Variants in CCDC68 observed in about 807,000 individuals in gnomAD.
The protein encoded by CCDC68 is coiled-coil domain containing 68.
CCDC68 carries 45 observed loss-of-function variants against 47.1 expected under a neutral mutation model. That is an observed-to-expected ratio of 0.96 (90% CI 0.75 to 1.23). CCDC68 has a LOEUF of 1.23. CCDC68 is among the 50% of genes most tolerant of loss of function. CCDC68 has a pLI of 0.00. For synonymous variants in CCDC68, 131 were observed against 129.5 expected, an observed-to-expected ratio of 1.01 and a Z score of -0.08; for missense variants, 353 against 373.6, an observed-to-expected ratio of 0.94 and a Z score of 0.45.
At chr18:54,926,635 G>A (rs2044149938) in intron 8 of CCDC68, among the ~76,000 whole-genome samples, 1 of 152,180 alleles carries the variant, frequency 6.6e-6, no homozygotes, top group African/African-American at 2.4e-5. Context: ...AGGGCAGATG[G>A]AAAAGTTGGA....
In CCDC68 at chr18:54,910,701, C is replaced by G. The variant is rs527530007; in HGVS notation, c.874-2839G>C. Among the ~76,000 whole-genome samples, 211 of 152,330 alleles carry G rather than the reference C, an allele frequency of 1.4e-3. 1 individual carries two copies. Among genetic ancestry groups the G allele is most frequent in the African/African-American group, 4.7e-3 (194 of 41,582 alleles). ...CAGCACCAAGCTGCCCTCAGCACCC[C>G]CTTGGCTTCCCTCTCATGCTCAGTG... On this transcript the variant is annotated intron_variant, in intron 10 of 11. Coordinates refer to ENST00000591504, the MANE Select transcript of CCDC68 (RefSeq NM_025214.3).
chr18:54,930,421 A>G (rs2044221691), intron 7 of CCDC68, among the ~76,000 whole-genome samples: 1 of 152,336 alleles, frequency 6.6e-6, no homozygotes, highest in Non-Finnish European at 1.5e-5. Flanking sequence ...TTGGACCTCA[A>G]TATATAATAA....
chr18:54,923,746 C>T (rs561582544), intron 8 of CCDC68, among the ~76,000 whole-genome samples: 1 of 151,446 alleles, frequency 6.6e-6, no homozygotes, highest in East Asian at 1.9e-4. Context: ...AAGTCTCACT[C>T]TGTCACCCAG....
intron 6 of CCDC68, among the ~76,000 whole-genome samples, chr18:54,936,161 T>A (rs2044339490): frequency 6.9e-6 from 1 of 145,574 alleles, no homozygotes; most frequent in Non-Finnish European, 1.5e-5. Context: ...TTATTTATTA[T>A]ATTAGATATT....
intron 8 of CCDC68, among the ~76,000 whole-genome samples, chr18:54,920,738 T>C (rs1306462009): frequency 2.0e-5 from 3 of 152,210 alleles, no homozygotes; most frequent in Non-Finnish European, 2.9e-5. Context: ...GCTTATACAC[T>C]GTTGGTGGGA....
chr18:54,943,935 C>G (rs1432345192), intron 2 of CCDC68, among the ~76,000 whole-genome samples: 1 of 152,070 alleles, frequency 6.6e-6, no homozygotes, highest in African/African-American at 2.4e-5. Context: ...GTGGACCGAT[C>G]ACTTGAGGTC....
intron 10 of CCDC68, among the ~76,000 whole-genome samples, 190 bp downstream of exon 10, chr18:54,917,723 C>G (rs2043979031): frequency 1.3e-5 from 2 of 152,126 alleles, no homozygotes; most frequent in South Asian, 2.1e-4. Flanking sequence ...CCAGCACACA[C>G]AGTCACACAG....
At chr18:54,929,565 G>A (rs976916083) in intron 7 of CCDC68, among the ~76,000 whole-genome samples, 2 of 152,086 alleles carry the variant, frequency 1.3e-5, no homozygotes, top group Admixed American at 6.5e-5. Context: ...ATGGCACTCA[G>A]CTGAAAAAAA....
At chr18:54,908,749 G>A (rs1364790816) in intron 10 of CCDC68, among the ~76,000 whole-genome samples, 1 of 152,006 alleles carries the variant, frequency 6.6e-6, no homozygotes, top group African/African-American at 2.4e-5. Context: ...GACAGTGTCT[G>A]GCTCCGTCAC....
chr18:54,959,225 A>T (rs528698214), intron 1 of CCDC68, 111 bp downstream of exon 1: 1 of 152,366 alleles, frequency 6.6e-6, no homozygotes, highest in Admixed American at 6.5e-5. Context: ...CCTTGATGCC[A>T]GGAACTCCAC....
At chr18:54,929,016 G>A (rs545618684) in intron 7 of CCDC68, 134 bp from the exon 8 acceptor site, 25 of 630,098 alleles carry the variant, frequency 4.0e-5, no homozygotes, top group South Asian at 3.7e-4. Context: ...CATCTTCAAG[G>A]AAACCTGGCC....
chr18:54,927,868 T>C (rs1345199324), intron 8 of CCDC68, among the ~76,000 whole-genome samples: 1 of 152,036 alleles, frequency 6.6e-6, no homozygotes, highest in Non-Finnish European at 1.5e-5. Flanking sequence ...AGGTACAACA[T>C]ATGAGGACAG....
chr18:54,932,828 A>G (rs893523598), intron 7 of CCDC68, among the ~76,000 whole-genome samples: 1 of 152,206 alleles, frequency 6.6e-6, no homozygotes, highest in African/African-American at 2.4e-5. Context: ...GGACTCATAG[A>G]GGAATTAAGA....
At chr18:54,924,875 C>T (rs559977254) in intron 8 of CCDC68, among the ~76,000 whole-genome samples, 3 of 152,296 alleles carry the variant, frequency 2.0e-5, no homozygotes, top group Admixed American at 6.5e-5. Flanking sequence ...ACTTTCTCAC[C>T]GTGCCCTCTG....
intron 1 of CCDC68, among the ~76,000 whole-genome samples, chr18:54,949,800 G>A (rs955747288): frequency 9.9e-5 from 15 of 152,178 alleles, no homozygotes; most frequent in African/African-American, 3.1e-4. Context: ...CGCTGGAAGT[G>A]CAACTCAGGG....
intron 4 of CCDC68, 47 bp from the exon 5 acceptor site, chr18:54,938,144 A>G: frequency 4.5e-6 from 7 of 1,554,536 alleles, no homozygotes; most frequent in Non-Finnish European, 6.1e-6. Flanking sequence ...CTTTTCCTCT[A>G]CAAACTTTGA....
At chr18:54,946,710 C>G (rs1422410413) in intron 1 of CCDC68, among the ~76,000 whole-genome samples, 3 of 152,114 alleles carry the variant, frequency 2.0e-5, no homozygotes, top group Non-Finnish European at 4.4e-5. Context: ...ACTGATATTT[C>G]TGAAAACTTC....
chr18:54,930,581 TACTC>T (rs2044224160), intron 7 of CCDC68, among the ~76,000 whole-genome samples: 1 of 142,076 alleles, frequency 7.0e-6, no homozygotes, highest in African/African-American at 2.6e-5. Context: ...GGATCACAGA[TACTC>T]ACTCCCTTCC....
intron 10 of CCDC68, among the ~76,000 whole-genome samples, chr18:54,916,358 GT>G (rs2043953080): frequency 6.6e-6 from 1 of 152,116 alleles, no homozygotes; most frequent in Non-Finnish European, 1.5e-5. Context: ...AAATTAACAT[GT>G]AAAAAACTAT....
Sources: allele counts gnomAD v4.1 joint callset (sites outside exome capture counted in the v4.1 genomes callset), GRCh38; gene constraint gnomAD v4.1.1; transcripts MANE v1.5; gene names NCBI Gene and HGNC (gene_info 2026-07-23, HGNC 2026-07-21).